The following BLVRB variants were observed in gnomAD, a reference collection of about 807,000 sequenced individuals.
BLVRB encodes the protein biliverdin reductase B, also known as flavin reductase (NADPH).
Under a neutral mutation model 21.1 loss-of-function variants are expected in BLVRB, and 25 were observed. The ratio of observed to expected loss-of-function variants is 1.19; its 90% CI spans 0.86 to 1.66. BLVRB has a LOEUF of 1.66. BLVRB is among the 40% of genes most tolerant of loss of function. The probability of loss-of-function intolerance (pLI) is 0.00; values close to 1 mark genes in which losing one functional copy is unlikely to be tolerated. For synonymous variants in BLVRB, 128 were observed against 122.2 expected (o/e 1.05, Z -0.31); for missense variants, 274 against 282.7 (o/e 0.97, Z 0.22).
At position 40,451,432 on chromosome 19, in the gene BLVRB, T is replaced by C; in HGVS notation, c.395A>G (p.His132Arg). 2.5e-6 allele frequency: 4 copies of C among 1,612,882 alleles called. No individual in the cohort carries two copies. The highest frequency in any genetic ancestry group is 3.4e-6 in the Non-Finnish European group (4 of 1,179,584). ...CCGCAGCACCTTGTGCATCCGGATGTGGTCATCAGTCACAGCCTGCAGTCG... is the reference window on the plus strand; with the variant it reads ...CCGCAGCACCTTGTGCATCCGGATGCGGTCATCAGTCACAGCCTGCAGTCG... ...PPRLQAVTDDHIRMHKVLRES... is the reference protein window; with the variant it reads ...PPRLQAVTDDRIRMHKVLRES... Residue 132 changes from histidine to arginine, a missense_variant, in exon 4 of 5, where the codon CAC becomes CGC. Transcript: ENST00000263368.
intron 4 of BLVRB, among the ~76,000 whole-genome samples, chr19:40,449,068 AC>A (rs1255931864): frequency 3.3e-5 from 5 of 150,900 alleles, no homozygotes; most frequent in Non-Finnish European, 7.4e-5. Context: ...ACAGAGGGAG[AC>A]CCTGTCTCAA....
chr19:40,449,155 C>T lies in BLVRB; in HGVS notation c.464-1109G>A, dbSNP rs540891002. The stretch of plus-strand genomic sequence containing the variant: ...TGTTTAATCTGAATCTGTGACAAAA[C>T]AGCTAGAAAAATCCAGAATGTGGGC... On this transcript the variant is annotated intron_variant, in intron 4 of 4. Coordinates refer to ENST00000263368, the MANE Select transcript of BLVRB (RefSeq NM_000713.3). Among the ~76,000 whole-genome samples the T allele has an allele frequency of 2.0e-5, 3 of 151,858 alleles. No individual in the cohort carries two copies. The South Asian group carries it at 6.2e-4, about 32-fold the overall frequency.
chr19:40,460,270 A>ATATATG (rs1336577975), intron 1 of BLVRB, among the ~76,000 whole-genome samples: 1 of 126,354 alleles, frequency 7.9e-6, no homozygotes, highest in African/African-American at 3.2e-5. Context: ...ATATATATAT[A>ATATATG]TATATTTAGA....
At chr19:40,448,608 AATATATATATATATATAT>A (rs55783717) in intron 4 of BLVRB, among the ~76,000 whole-genome samples, 40 of 126,374 alleles carry the variant, frequency 3.2e-4, no homozygotes, top group Admixed American at 2.1e-3. Context: ...AACAACAACA[AATATATATATATATATAT>A]ATATATATAT....
intron 2 of BLVRB, 42 bp downstream of exon 2, chr19:40,458,339 G>A (rs1045094526): frequency 1.8e-5 from 27 of 1,523,412 alleles, no homozygotes; most frequent in East Asian, 7.3e-5. Flanking sequence ...GCTGGGGGCC[G>A]AGGTGTAGGG....
chr19:40,448,614 T>A (rs933937777), intron 4 of BLVRB, among the ~76,000 whole-genome samples: 7,791 of 58,966 alleles, frequency 0.13, 230 homozygotes, highest in Non-Finnish European at 0.16. Context: ...AACAAATATA[T>A]ATATATATAT....
At chr19:40,456,867 G>A (rs2079764359) in intron 3 of BLVRB, among the ~76,000 whole-genome samples, 1 of 152,060 alleles carries the variant, frequency 6.6e-6, no homozygotes, top group South Asian at 2.1e-4. Context: ...GTTGCAGTGA[G>A]CTGATACCAC....
intron 3 of BLVRB, among the ~76,000 whole-genome samples, chr19:40,452,478 ATT>A (rs1276313325): frequency 4.4e-5 from 6 of 137,846 alleles, no homozygotes; most frequent in Admixed American, 7.2e-5. Context: ...AAACCCCACT[ATT>A]TTTTTTTTTT....
chr19:40,453,017 C>T (rs965234819), intron 3 of BLVRB, among the ~76,000 whole-genome samples: 17 of 152,098 alleles, frequency 1.1e-4, no homozygotes, highest in South Asian at 6.2e-4. Context: ...GAGCCGAGAT[C>T]GTGCCATTGC....
At chr19:40,455,230 C>T (rs887602409) in intron 3 of BLVRB, among the ~76,000 whole-genome samples, 2 of 152,132 alleles carry the variant, frequency 1.3e-5, no homozygotes, top group African/African-American at 4.8e-5. Context: ...ACTCCAAGCT[C>T]CTTAGATGAC....
intron 1 of BLVRB, among the ~76,000 whole-genome samples, chr19:40,459,571 A>G (rs10439101): frequency 0.5 from 74,500 of 150,390 alleles, 19,181 homozygotes; most frequent in African/African-American, 0.63. Flanking sequence ...ACACCTGGCT[A>G]TCATTATTAT....
intron 3 of BLVRB, among the ~76,000 whole-genome samples, chr19:40,455,541 A>G (rs977548669): frequency 2.6e-5 from 4 of 152,048 alleles, no homozygotes; most frequent in Non-Finnish European, 5.9e-5. Flanking sequence ...AAATACACAC[A>G]CACAAAATTA....
chr19:40,459,493 G>A (rs2079777529), intron 1 of BLVRB, among the ~76,000 whole-genome samples: 1 of 151,232 alleles, frequency 6.6e-6, no homozygotes, highest in Non-Finnish European at 1.5e-5. Flanking sequence ...TGTAACCCAG[G>A]CTAGAGTGCA....
Position 40,454,616 on chromosome 19 carries a change from G to C in BLVRB, c.335-3124C>G, listed in dbSNP as rs1397957506. On this transcript the variant is annotated intron_variant, in intron 3 of 4. Transcript: ENST00000263368. ...GCTGGAGTGCAGTGGCACGATCTCA[G>C]CTCACTGCAAGCTCCTCCTCCCGGG... Among the ~76,000 whole-genome samples, 3 of 151,638 alleles carry C rather than the reference G, an allele frequency of 2.0e-5. No homozygotes were observed. In the East Asian group the frequency reaches 5.9e-4, roughly 30 times the overall value.
At chr19:40,464,064 GC>G (rs2145784969) in intron 1 of BLVRB, among the ~76,000 whole-genome samples, 1 of 151,718 alleles carries the variant, frequency 6.6e-6, no homozygotes, top group East Asian at 2.0e-4. Context: ...ACCGCACCCA[GC>G]CTCTTTTTCT....
chr19:40,453,706 C>G (rs2079750336), intron 3 of BLVRB, among the ~76,000 whole-genome samples: 1 of 152,064 alleles, frequency 6.6e-6, no homozygotes, highest in Admixed American at 6.6e-5. Flanking sequence ...ATAAATTGTT[C>G]AAAGGCTGGG....
chr19:40,451,659 A>G (rs2079740789), intron 3 of BLVRB, among the ~76,000 whole-genome samples, 167 bp from the exon 4 acceptor site: 1 of 150,940 alleles, frequency 6.6e-6, no homozygotes, highest in Non-Finnish European at 1.5e-5. Flanking sequence ...CAGCCTCCCC[A>G]GTAGCTGGGA....
At chr19:40,456,785 G>C (rs1257513707) in intron 3 of BLVRB, among the ~76,000 whole-genome samples, 2 of 152,166 alleles carry the variant, frequency 1.3e-5, no homozygotes, top group East Asian at 1.9e-4. Flanking sequence ...TACTCAGGAG[G>C]CTGGGGCAGG....
rs2079735867 is a variant in BLVRB at position 40,450,772 on chromosome 19, G to A, written c.463+592C>T. Among the ~76,000 whole-genome samples the A allele has an allele frequency of 2.0e-5, 3 of 150,710 alleles. No homozygotes were observed. In the South Asian group the frequency reaches 6.3e-4, roughly 32 times the overall value. Reference sequence around the variant, plus strand: ...CAGGCTGGTCTCAAACTCCTGGGCTGAAGAAATCCTCCCGTCTTGGCTTCC... The same window carrying A: ...CAGGCTGGTCTCAAACTCCTGGGCTAAAGAAATCCTCCCGTCTTGGCTTCC... On this transcript the variant is annotated intron_variant, in intron 4 of 4. Coordinates refer to ENST00000263368, the MANE Select transcript of BLVRB (RefSeq NM_000713.3).
Sources: gnomAD v4.1 joint callset for allele counts (sites outside exome capture counted in the v4.1 genomes callset) on GRCh38, gnomAD v4.1.1 for gene constraint, MANE v1.5 for transcripts, NCBI Gene and HGNC (gene_info 2026-07-23, HGNC 2026-07-21) for gene names.